Variants in ABR observed in about 807,000 individuals in gnomAD.
The protein encoded by ABR is ABR activator of RhoGEF and GTPase.
A neutral mutation model predicts 107.2 loss-of-function variants in ABR; 35 were observed. The ratio of observed to expected loss-of-function variants is 0.33; its 90% CI spans 0.25 to 0.43. ABR has a LOEUF of 0.43. Ranked by LOEUF, ABR falls within the 20% of genes least tolerant of loss-of-function variation. The pLI is 1.00. For synonymous variants in ABR, 498 were observed against 462.0 expected, an observed-to-expected ratio of 1.08 and a Z score of -1.00; for missense variants, 815 against 1,115.2, an observed-to-expected ratio of 0.73 and a Z score of 3.83.
chr17:1,145,242 T>G (rs1291701650), intron 1 of ABR, among the ~76,000 whole-genome samples: 1 of 152,108 alleles, frequency 6.6e-6, no homozygotes, highest in Non-Finnish European at 1.5e-5. Context: ...CTAATAATCC[T>G]CCTCATCTCT....
chr17:1,127,717 G>A (rs1318237495), intron 1 of ABR, among the ~76,000 whole-genome samples: 1 of 152,156 alleles, frequency 6.6e-6, no homozygotes, highest in Non-Finnish European at 1.5e-5. Flanking sequence ...AGACTCTCCT[G>A]TACACTGACC....
chr17:1,171,944 A>C (rs2041728979), intron 1 of ABR, among the ~76,000 whole-genome samples: 2 of 152,132 alleles, frequency 1.3e-5, no homozygotes, highest in South Asian at 4.1e-4. Context: ...AAAATGAAGA[A>C]AGAGGGGAGT....
At chr17:1,103,500 C>T (rs1335641540) in intron 2 of ABR, among the ~76,000 whole-genome samples, 1 of 152,288 alleles carries the variant, frequency 6.6e-6, no homozygotes, top group East Asian at 1.9e-4. Flanking sequence ...AACTGTAGAG[C>T]TGGTTGGACT....
chr17:1,190,670 C>A (rs1051501635), upstream of ABR, among the ~76,000 whole-genome samples: 1 of 151,976 alleles, frequency 6.6e-6, no homozygotes, highest in Non-Finnish European at 1.5e-5. Flanking sequence ...ACTTATGTTT[C>A]GGGGAGGGAG....
intron 1 of ABR, among the ~76,000 whole-genome samples, chr17:1,166,225 C>T (rs568464056): frequency 3.3e-5 from 5 of 152,262 alleles, no homozygotes; most frequent in East Asian, 1.9e-4. Flanking sequence ...TGACTCCACG[C>T]GGCTGCAAGG....
rs1337464859 is a variant in ABR at position 1,037,260 on chromosome 17, C to A, written c.1791+12790G>T. Reference sequence around the variant, plus strand: ...AGGCCTGCCCAAGGTAACCTGCTGTCCTCCCAACTCCCCAAAGGCCTGTGC... The same window carrying A: ...AGGCCTGCCCAAGGTAACCTGCTGTACTCCCAACTCCCCAAAGGCCTGTGC... On this transcript the variant is annotated intron_variant, in intron 16 of 22. Transcript: ENST00000302538. The surrounding 1 kb of genome is among the most constrained non-coding windows in gnomAD (Gnocchi z 4.6). Among the ~76,000 whole-genome samples, 1 of 152,234 alleles carries A rather than the reference C, an allele frequency of 6.6e-6. No homozygotes were observed. Among genetic ancestry groups the A allele is most frequent in the Non-Finnish European group, 1.5e-5 (1 of 68,046 alleles).
intron 2 of ABR, among the ~76,000 whole-genome samples, chr17:1,123,895 C>T (rs952716409): frequency 9.2e-5 from 14 of 152,230 alleles, no homozygotes; most frequent in East Asian, 1.9e-4. Flanking sequence ...AGGTCCGAGA[C>T]GCTTGTCTCT....
At chr17:1,006,674 C>T (rs2070062737) in intron 22 of ABR, among the ~76,000 whole-genome samples, 1 of 152,172 alleles carries the variant, frequency 6.6e-6, no homozygotes, top group Non-Finnish European at 1.5e-5. Context: ...AACCCAGCTT[C>T]CCACGAGGGA....
intron 16 of ABR, among the ~76,000 whole-genome samples, chr17:1,020,415 G>A (rs960026834): frequency 2.0e-5 from 3 of 152,184 alleles, no homozygotes; most frequent in Non-Finnish European, 4.4e-5. Flanking sequence ...CACTTCGCCT[G>A]GTCAAATCAT....
At chr17:1,036,163 C>T (rs1351952536) in intron 16 of ABR, among the ~76,000 whole-genome samples, 1 of 152,206 alleles carries the variant, frequency 6.6e-6, no homozygotes, top group African/African-American at 2.4e-5. Flanking sequence ...CACACTTGAA[C>T]CCCGATTCCT....
intron 1 of ABR, among the ~76,000 whole-genome samples, chr17:1,167,884 C>T (rs879538493): frequency 1.3e-5 from 2 of 152,104 alleles, no homozygotes; most frequent in Admixed American, 1.3e-4. Context: ...CCGGGCGGGT[C>T]GCTCACGCCT....
At chr17:1,030,798 G>A (rs766590954) in intron 16 of ABR, among the ~76,000 whole-genome samples, 12 of 152,232 alleles carry the variant, frequency 7.9e-5, no homozygotes, top group Non-Finnish European at 1.6e-4. Flanking sequence ...TGATGGATGG[G>A]CCCAGCCCTG....
chr17:1,213,304 G>C (rs1386457255), intron 1 of ABR, among the ~76,000 whole-genome samples: 3 of 152,174 alleles, frequency 2.0e-5, no homozygotes, highest in Non-Finnish European at 4.4e-5. Context: ...CAAACTAAGG[G>C]GCATCCAAAG....
At chr17:1,204,209 A>C (rs2042744180) in intron 1 of ABR, among the ~76,000 whole-genome samples, 1 of 152,096 alleles carries the variant, frequency 6.6e-6, no homozygotes, top group African/African-American at 2.4e-5. Context: ...CTTTGGGAGG[A>C]CGAGGCGGGC....
At chr17:1,073,024 A>G (rs888154711) in intron 7 of ABR, among the ~76,000 whole-genome samples, 5 of 152,000 alleles carry the variant, frequency 3.3e-5, no homozygotes, top group African/African-American at 1.2e-4. Flanking sequence ...TAGTAAAAAT[A>G]TAAAAATTAG....
Position 1,217,475 on chromosome 17 carries a change from C to T in ABR, c.838+11318G>A, listed in dbSNP as rs770674262. Among the ~76,000 whole-genome samples the T allele has an allele frequency of 7.1e-4, 108 of 152,272 alleles. 1 individual carries two copies. In the Middle Eastern group the frequency reaches 0.017, roughly 24 times the overall value. Reference sequence around the variant, plus strand: ...CACGTACTGAGTGGTTACCATGTGTCAGGTCTGGTTCAAGGTATGTTATAT... The same window carrying T: ...CACGTACTGAGTGGTTACCATGTGTTAGGTCTGGTTCAAGGTATGTTATAT... On this transcript the variant is annotated intron_variant, in intron 1 of 22. Coordinates refer to the ABR transcript ENST00000574139.
intron 1 of ABR, among the ~76,000 whole-genome samples, chr17:1,171,821 T>G (rs890626724): frequency 7.9e-5 from 12 of 152,066 alleles, no homozygotes; most frequent in African/African-American, 2.7e-4. Flanking sequence ...TCCCAGCTAC[T>G]CGGGAGGCTG....
intron 1 of ABR, among the ~76,000 whole-genome samples, chr17:1,141,213 G>C (rs894864605): frequency 9.9e-5 from 15 of 152,226 alleles, no homozygotes; most frequent in Admixed American, 9.8e-4. Flanking sequence ...TCAGGGCCTG[G>C]CTCCAAGGGG....
rs1172453327 is a variant in ABR, at chr17:1,078,336, C to T, written c.700+994G>A. Among the ~76,000 whole-genome samples the T allele has an allele frequency of 1.3e-5, 2 of 152,118 alleles. No homozygotes were observed. The highest frequency in any genetic ancestry group is 2.4e-5 in the African/African-American group (1 of 41,436). ...ACCGTGCCGCCCAGCCTCCGCGCCT[C>T]TCTCCAGAAACAAAGAAACTCCCAA... On this transcript the variant is annotated intron_variant, in intron 6 of 22. Coordinates refer to ENST00000302538, the MANE Select transcript of ABR (RefSeq NM_021962.5). The surrounding 1 kb of genome is among the most constrained non-coding windows in gnomAD (Gnocchi z 7.5).
Sources: allele counts gnomAD v4.1 joint callset (sites outside exome capture counted in the v4.1 genomes callset), GRCh38; gene constraint gnomAD v4.1.1; non-coding constraint Gnocchi (gnomAD v3.1); transcripts MANE v1.5; gene names NCBI Gene and HGNC (gene_info 2026-07-23, HGNC 2026-07-21).